SULT2B1: variants seen among roughly 807,000 people sequenced by gnomAD.
SULT2B1 encodes sulfotransferase 2B1.
A neutral mutation model predicts 33.2 loss-of-function variants in SULT2B1; 16 were observed. The observed-to-expected ratio is 0.48, with a 90% CI of 0.33 to 0.73. The LOEUF (loss-of-function observed/expected upper bound fraction) is 0.73. SULT2B1 is among the 30% of genes least tolerant of loss of function. The pLI is 0.02. For missense variants in SULT2B1, 500 were observed against 506.0 expected (o/e 0.99, Z 0.11); for synonymous variants, 186 against 200.5 (o/e 0.93, Z 0.61).
chr19:48,584,150 A>G (rs563709538), intron 2 of SULT2B1, among the ~76,000 whole-genome samples: 3 of 152,294 alleles, frequency 2.0e-5, no homozygotes, highest in African/African-American at 7.2e-5. Flanking sequence ...TAGCTAAAAT[A>G]GGGTGCAGCC....
intron 1 of SULT2B1, among the ~76,000 whole-genome samples, chr19:48,572,097 C>T (rs1601095383): frequency 6.6e-6 from 1 of 152,256 alleles, no homozygotes; most frequent in African/African-American, 2.4e-5. Flanking sequence ...TGGCTCCCCT[C>T]CTGGTGCCAG....
Position 48,581,029 on chromosome 19 carries a change from C to CTTTT in SULT2B1, c.214+4967_214+4970dup, listed in dbSNP as rs57093444. Among the ~76,000 whole-genome samples the CTTTT allele has an allele frequency of 8.1e-3, 525 of 65,064 alleles. 12 individuals are homozygous for CTTTT. The highest frequency in any genetic ancestry group is 0.021 in the East Asian group (33 of 1,566). 42.7% of individuals were successfully genotyped at this position (65,064 alleles called of 152,430 possible). A position where few individuals can be genotyped will look rare whatever the true frequency, so the allele number is the denominator to read the frequency against. On this transcript the variant is annotated intron_variant, in intron 2 of 6. Coordinates refer to ENST00000201586, the MANE Select transcript of SULT2B1 (RefSeq NM_177973.2). ...TGCTCATTAGCCATCATATATATTCCTTTTTTTTTTTTTTTTTTTTTTTTG... is the reference window on the plus strand; with the variant it reads ...TGCTCATTAGCCATCATATATATTCCTTTTTTTTTTTTTTTTTTTTTTTTTTTTG...
At chr19:48,592,840 G>A (rs1973661366) in intron 5 of SULT2B1, 24 bp downstream of exon 5, 2 of 1,545,688 alleles carry the variant, frequency 1.3e-6, no homozygotes, top group Non-Finnish European at 1.8e-6. Context: ...TCCTCCAGGT[G>A]CAGCGTCCCC....
intron 3 of SULT2B1, among the ~76,000 whole-genome samples, chr19:48,588,226 A>T (rs199643744): frequency 6.9e-6 from 1 of 145,046 alleles, no homozygotes; most frequent in Admixed American, 7.0e-5. Context: ...AAAAAAAAAA[A>T]TTACAGCCAG....
At chr19:48,592,639 CAGCTAGTTAGACCCATG>C in intron 4 of SULT2B1, 66 bp from the exon 5 acceptor site, 1 of 1,213,900 alleles carries the variant, frequency 8.2e-7, no homozygotes, top group Non-Finnish European at 1.2e-6. Context: ...TTGTGGGGCA[CAGCTAGTTAGACCCATG>C]AGCCCCAGTG....
intron 1 of SULT2B1, among the ~76,000 whole-genome samples, chr19:48,553,346 T>A (rs1973052402): frequency 6.6e-6 from 1 of 152,184 alleles, no homozygotes. Flanking sequence ...TCGCTCTTGT[T>A]GCCCAGGCTG....
At chr19:48,555,521 G>A (rs1322626425) in intron 1 of SULT2B1, among the ~76,000 whole-genome samples, 1 of 132,698 alleles carries the variant, frequency 7.5e-6, no homozygotes, top group Admixed American at 7.6e-5. Context: ...TGCTTATCTG[G>A]CTCCTTGCAT....
At position 48,599,256 on chromosome 19, in the gene SULT2B1, C is replaced by A. The variant is rs1052131; in HGVS notation, c.948C>A (p.Asp316Glu). The change falls in exon 7 of 7, where the codon GAC becomes GAA. Residue 316 changes from aspartate (D) to glutamate (E), a missense_variant. Transcript: ENST00000201586. The surrounding 1 kb of genome is among the most constrained non-coding windows in gnomAD (Gnocchi z 4.1). ...CCTGGGATGAAGACCCGGAGGAGGA[C>A]GGCAGCCCAGATCCTGAGCCCAGCC... is the stretch of plus-strand genomic sequence containing the variant. ...TFPWDEDPEE[D>E]GSPDPEPSPE... 2.5e-5 allele frequency: 41 copies of A among 1,609,386 alleles called. 1 individual carries two copies. Among genetic ancestry groups the A allele is most frequent in the Non-Finnish European group, 3.4e-5 (40 of 1,178,512 alleles).
intron 1 of SULT2B1, among the ~76,000 whole-genome samples, chr19:48,561,518 A>G (rs1973180308): frequency 6.6e-6 from 1 of 150,654 alleles, no homozygotes; most frequent in Non-Finnish European, 1.5e-5. Context: ...AGGGAGAGAG[A>G]GAGGAGGTGT....
chr19:48,587,507 A>G (rs1973581193), intron 3 of SULT2B1, 70 bp downstream of exon 3: 1 of 1,533,306 alleles, frequency 6.5e-7, no homozygotes, highest in Admixed American at 1.7e-5. Flanking sequence ...GGGACGGAGC[A>G]TAACTCATTG....
intron 2 of SULT2B1, among the ~76,000 whole-genome samples, chr19:48,585,450 T>C (rs1029595222): frequency 6.6e-6 from 1 of 151,966 alleles, no homozygotes; most frequent in African/African-American, 2.4e-5. Context: ...GGTGGATCAC[T>C]GGAGGTCAAG....
rs559028985 is a variant in SULT2B1 at position 48,570,924 on chromosome 19, A to G, written c.72-5017A>G. 1.6e-4 allele frequency among the ~76,000 whole-genome samples: 24 copies of G among 151,374 alleles called. 1 individual carries two copies. Among genetic ancestry groups the G allele is most frequent in the Non-Finnish European group, 2.9e-4 (20 of 67,850 alleles). On this transcript the variant is annotated intron_variant, in intron 1 of 6. Coordinates refer to ENST00000201586, the MANE Select transcript of SULT2B1 (RefSeq NM_177973.2). ...TTTTTAGTAGAGACGGGGTTTCACC[A>G]TGTTAGCCAGGATGGTCTCGATCTC...
intron 1 of SULT2B1, among the ~76,000 whole-genome samples, chr19:48,562,012 G>A (rs1437475397): frequency 6.6e-6 from 1 of 152,142 alleles, no homozygotes; most frequent in Admixed American, 6.6e-5. Context: ...AACTTTGGGA[G>A]GCCAAGGCAG....
chr19:48,569,354 A>C (rs1357108761), intron 1 of SULT2B1, among the ~76,000 whole-genome samples: 3 of 86,674 alleles, frequency 3.5e-5, no homozygotes, highest in Non-Finnish European at 6.6e-5. Flanking sequence ...AAAAAAAAAA[A>C]AAAAAAAACA....
At chr19:48,581,029 CTTTTTTT>C (rs57093444) in intron 2 of SULT2B1, among the ~76,000 whole-genome samples, 9,878 of 65,342 alleles carry the variant, frequency 0.15, 476 homozygotes, top group Middle Eastern at 0.26. Flanking sequence ...ATATATATTC[CTTTTTTT>C]TTTTTTTTTT....
chr19:48,559,588 T>A (rs1043414230), intron 1 of SULT2B1, among the ~76,000 whole-genome samples: 1 of 152,142 alleles, frequency 6.6e-6, no homozygotes, highest in Non-Finnish European at 1.5e-5. Flanking sequence ...CCAGCTGAGT[T>A]CAGGACCCAT....
chr19:48,566,971 C>G (rs944549620), intron 1 of SULT2B1, among the ~76,000 whole-genome samples: 19 of 152,026 alleles, frequency 1.2e-4, no homozygotes, highest in African/African-American at 4.3e-4. Flanking sequence ...TCACTGCACT[C>G]CAACCTGGGC....
chr19:48,593,931 A>G (rs1973677507), intron 5 of SULT2B1, among the ~76,000 whole-genome samples: 1 of 151,288 alleles, frequency 6.6e-6, no homozygotes. Context: ...TATTTATATA[A>G]CTGGTCGGCC....
intron 1 of SULT2B1, among the ~76,000 whole-genome samples, chr19:48,565,753 T>C (rs1020412540): frequency 6.8e-6 from 1 of 147,276 alleles, no homozygotes; most frequent in African/African-American, 2.4e-5. Flanking sequence ...AGTGTGCTAG[T>C]TTTTTGTTTG....
Sources: allele counts gnomAD v4.1 joint callset (sites outside exome capture counted in the v4.1 genomes callset), GRCh38; gene constraint gnomAD v4.1.1; non-coding constraint Gnocchi (gnomAD v3.1); transcripts MANE v1.5; gene names NCBI Gene and HGNC (gene_info 2026-07-23, HGNC 2026-07-21).